The following B4GALT5 variants were observed in gnomAD, a reference collection of about 807,000 sequenced individuals.
The protein encoded by B4GALT5 is UDP-Gal:beta-GlcNAc beta-1,4-galactosyltransferase 5.
Under a neutral mutation model 45.0 loss-of-function variants are expected in B4GALT5, and 11 were observed. The observed-to-expected ratio is 0.24, with a 90% CI of 0.15 to 0.40. The LOEUF is 0.40. Ranked by LOEUF, B4GALT5 falls within the 10% of genes least tolerant of loss-of-function variation. The pLI is 1.00. For missense variants in B4GALT5, 337 were observed against 500.2 expected (o/e 0.67, Z 3.11); for synonymous variants, 185 against 182.9 (o/e 1.01, Z -0.09).
intron 1 of B4GALT5, among the ~76,000 whole-genome samples, chr20:49,698,043 C>A (rs577361986): frequency 3.3e-5 from 5 of 152,086 alleles, no homozygotes; most frequent in Non-Finnish European, 7.4e-5. Flanking sequence ...AATTTCCAGC[C>A]GGGCGCGGTG....
chr20:49,689,871 T>C (rs2085802952), intron 1 of B4GALT5, among the ~76,000 whole-genome samples: 1 of 152,188 alleles, frequency 6.6e-6, no homozygotes, highest in Non-Finnish European at 1.5e-5. Context: ...TTTCCCTCTC[T>C]CAGAATAAAT....
At position 49,638,693 on chromosome 20, in the gene B4GALT5, CCTATTTG is replaced by C. The variant is rs2085563937; in HGVS notation, c.917+978_917+984del. Among the ~76,000 whole-genome samples, 2 of 151,708 alleles carry C rather than the reference CCTATTTG, an allele frequency of 1.3e-5. 1 individual carries two copies. ...CTTAGTTATAATATGCCTTAAAAAC[CCTATTTG>C]CATCCATTAAAGGACAGAGCTTAAA... On this transcript the variant is annotated intron_variant, in intron 7 of 8. Transcript: ENST00000371711.
At chr20:49,669,855 C>T (rs2085708487) in intron 1 of B4GALT5, among the ~76,000 whole-genome samples, 1 of 150,476 alleles carries the variant, frequency 6.6e-6, no homozygotes, top group African/African-American at 2.5e-5. Flanking sequence ...GATACTTCAC[C>T]AACTGTGCTG....
At chr20:49,650,114 T>C (rs1336052219) in intron 2 of B4GALT5, among the ~76,000 whole-genome samples, 1 of 152,146 alleles carries the variant, frequency 6.6e-6, no homozygotes, top group African/African-American at 2.4e-5. Context: ...TCTTTGAAGA[T>C]AGATAAATTC....
intron 1 of B4GALT5, among the ~76,000 whole-genome samples, chr20:49,678,876 G>A (rs2085751001): frequency 6.6e-6 from 1 of 152,158 alleles, no homozygotes; most frequent in Non-Finnish European, 1.5e-5. Flanking sequence ...AACATTGTTA[G>A]TGCTGTTACT....
intron 6 of B4GALT5, among the ~76,000 whole-genome samples, 183 bp downstream of exon 6, chr20:49,640,295 C>T (rs1050898342): frequency 5.9e-5 from 9 of 152,184 alleles, no homozygotes; most frequent in Admixed American, 5.9e-4. Flanking sequence ...CGTGTTTTGG[C>T]ACGTATCAGT....
chr20:49,707,392 G>A (rs769586173), intron 1 of B4GALT5, among the ~76,000 whole-genome samples: 11 of 151,900 alleles, frequency 7.2e-5, no homozygotes, highest in Admixed American at 2.0e-4. Context: ...TGTCCTTCAC[G>A]GGATAAGGCT....
intron 4 of B4GALT5, 84 bp downstream of exon 4, chr20:49,643,441 TG>T: frequency 6.6e-7 from 1 of 1,525,994 alleles, no homozygotes. Context: ...CAAAATGTCA[TG>T]GTTAGCTAAT....
rs2085830507 is a variant in B4GALT5, at chr20:49,694,655, AAAAGGAAAGGGAAAGGGAAAG to A, written c.115+18900_115+18920del. Among the ~76,000 whole-genome samples, 5 of 106,536 alleles carry A rather than the reference AAAAGGAAAGGGAAAGGGAAAG, an allele frequency of 4.7e-5. No homozygotes were observed. The South Asian group carries it at 1.8e-3, about 39-fold the overall frequency. 69.9% of individuals were successfully genotyped at this position (106,536 alleles called of 152,430 possible). A position where few individuals can be genotyped will look rare whatever the true frequency, so the allele number is the denominator to read the frequency against. On this transcript the variant is annotated intron_variant, in intron 1 of 8. Transcript: ENST00000371711. ...CTGCTGAGAAGGGAAAGGGAAAGGG[AAAAGGAAAGGGAAAGGGAAAG>A]GGAAAGGGAAAGGGAAAGGGAAAGG... is the stretch of plus-strand genomic sequence containing the variant.
intron 1 of B4GALT5, among the ~76,000 whole-genome samples, chr20:49,681,328 G>A (rs146394010): frequency 1.4e-3 from 217 of 151,480 alleles, no homozygotes; most frequent in African/African-American, 5.1e-3. Flanking sequence ...GAGTCAGAGC[G>A]CTACATGCAT....
intron 1 of B4GALT5, among the ~76,000 whole-genome samples, chr20:49,676,276 A>C (rs1032847887): frequency 5.3e-5 from 8 of 152,342 alleles, no homozygotes; most frequent in African/African-American, 1.7e-4. Flanking sequence ...AATAAAAGTG[A>C]TCAGGTAGCA....
intron 1 of B4GALT5, among the ~76,000 whole-genome samples, chr20:49,713,128 A>T (rs1340614257): frequency 6.7e-6 from 1 of 149,412 alleles, no homozygotes; most frequent in Non-Finnish European, 1.5e-5. Context: ...ACCCGGGCAC[A>T]TGGGCTCGGC....
At chr20:49,638,360 CAACA>C (rs1271202427) in intron 7 of B4GALT5, among the ~76,000 whole-genome samples, 3 of 152,160 alleles carry the variant, frequency 2.0e-5, no homozygotes, top group Non-Finnish European at 4.4e-5. Flanking sequence ...TTGTAATTAA[CAACA>C]AACACATACT....
intron 1 of B4GALT5, among the ~76,000 whole-genome samples, chr20:49,706,868 C>T (rs1191386213): frequency 6.6e-6 from 1 of 152,202 alleles, no homozygotes; most frequent in Non-Finnish European, 1.5e-5. Context: ...ATGTGCCGAA[C>T]ATACTTCCAA....
intron 1 of B4GALT5, among the ~76,000 whole-genome samples, chr20:49,668,916 C>G (rs2085703984): frequency 1.3e-5 from 2 of 152,126 alleles, no homozygotes; most frequent in Admixed American, 6.5e-5. Flanking sequence ...GGCTGGATTG[C>G]AGTGGCACAA....
At chr20:49,668,205 C>T (rs910539646) in intron 1 of B4GALT5, among the ~76,000 whole-genome samples, 29 of 152,010 alleles carry the variant, frequency 1.9e-4, no homozygotes, top group Non-Finnish European at 3.2e-4. Context: ...TCATTTTTCA[C>T]CCTAATTACT....
intron 2 of B4GALT5, 136 bp downstream of exon 2, chr20:49,656,432 T>C (rs927989955): frequency 2.7e-6 from 3 of 1,122,770 alleles, no homozygotes; most frequent in Non-Finnish European, 3.8e-6. Flanking sequence ...CAAGAGCTTT[T>C]TTAGCAGTAA....
rs190844210 is a variant in B4GALT5 at position 49,688,156 on chromosome 20, T to G, written c.115+25420A>C. 3.3e-5 allele frequency among the ~76,000 whole-genome samples: 5 copies of G among 151,980 alleles called. No individual in the cohort carries two copies. In the East Asian group the frequency reaches 9.7e-4, roughly 29 times the overall value. The stretch of plus-strand genomic sequence containing the variant: ...TGTCTCAGGCCTGAAGAAAGAAAAA[T>G]AGAGACAAGGGCCTAGGATTCCTGT... On this transcript the variant is annotated intron_variant, in intron 1 of 8. Transcript: ENST00000371711.
chr20:49,640,586 C>G lies in B4GALT5; in HGVS notation c.686G>C (p.Cys229Ser), dbSNP rs2085572729. 2 of 1,613,958 alleles carry G rather than the reference C, an allele frequency of 1.2e-6. No individual in the cohort carries two copies. The highest frequency in any genetic ancestry group is 1.7e-6 in the Non-Finnish European group (2 of 1,180,006). Residue 229 changes from cysteine to serine, a missense_variant, in exon 6 of 9, where the codon TGT becomes TCT. This residue lies in a region of B4GALT5 where 163 missense variants were observed against 292.8 expected (regional missense o/e 0.56). Coordinates refer to ENST00000371711, the MANE Select transcript of B4GALT5 (RefSeq NM_004776.4). Reference sequence around the variant, plus strand: ...GTGATCTACATCATGAAAAATCAAACAGTCCCAATCCAAGTCTTTCATTGC... The same window carrying G: ...GTGATCTACATCATGAAAAATCAAAGAGTCCCAATCCAAGTCTTTCATTGC... The part of the protein sequence containing the change: ...QEAMKDLDWD[C>S]LIFHDVDHIP...
Sources: gnomAD v4.1 joint callset for allele counts (sites outside exome capture counted in the v4.1 genomes callset) on GRCh38, gnomAD v4.1.1 for gene constraint, gnomAD v4.1.1 regional missense constraint, MANE v1.5 for transcripts, NCBI Gene and HGNC (gene_info 2026-07-23, HGNC 2026-07-21) for gene names.